The following DPP10 variants were observed in gnomAD, a reference collection of about 807,000 sequenced individuals.
DPP10 encodes the protein inactive dipeptidyl peptidase 10.
Under a neutral mutation model 120.9 loss-of-function variants are expected in DPP10, and 33 were observed. That is an observed-to-expected ratio of 0.27 (90% CI 0.21 to 0.37). DPP10 has a LOEUF of 0.37. Among genes scored for constraint, DPP10 ranks in the 10% least tolerant of loss-of-function variants. The pLI, the probability that DPP10 is intolerant of heterozygous loss-of-function variation, is 1.00. For missense variants in DPP10, 816 were observed against 942.8 expected, an observed-to-expected ratio of 0.87 and a Z score of 1.76; for synonymous variants, 337 against 326.1, an observed-to-expected ratio of 1.03 and a Z score of -0.36.
At chr2:114,453,621 G>A (rs1297117257) in intron 1 of DPP10, among the ~76,000 whole-genome samples, 10 of 152,100 alleles carry the variant, frequency 6.6e-5, no homozygotes, top group Admixed American at 6.6e-4. Flanking sequence ...TGGTTAACAG[G>A]AGTAACATGA....
intron 1 of DPP10, among the ~76,000 whole-genome samples, chr2:114,983,697 A>G (rs1434886855): frequency 6.6e-6 from 1 of 152,184 alleles, no homozygotes; most frequent in African/African-American, 2.4e-5. Flanking sequence ...AGGGGAGAAA[A>G]AGCAAAATAA....
intron 5 of DPP10, among the ~76,000 whole-genome samples, chr2:115,609,990 A>G (rs2083981394): frequency 1.3e-5 from 2 of 152,226 alleles, no homozygotes; most frequent in Non-Finnish European, 2.9e-5. Flanking sequence ...CAGAATATTC[A>G]AACGTTTTGT....
intron 1 of DPP10, among the ~76,000 whole-genome samples, chr2:115,174,679 A>G (rs1013575050): frequency 4.6e-5 from 7 of 152,190 alleles, no homozygotes; most frequent in Admixed American, 3.3e-4. Flanking sequence ...ATGTATAGTT[A>G]TACTTGTTTT....
At chr2:115,819,449 T>C (rs1254084948) in intron 21 of DPP10, among the ~76,000 whole-genome samples, 2 of 152,150 alleles carry the variant, frequency 1.3e-5, no homozygotes, top group African/African-American at 4.8e-5. Flanking sequence ...GCTAGGGCAC[T>C]CTCTTGCTCT....
intron 1 of DPP10, among the ~76,000 whole-genome samples, chr2:115,132,492 C>T (rs563798537): frequency 3.3e-5 from 5 of 152,218 alleles, no homozygotes; most frequent in East Asian, 1.9e-4. Flanking sequence ...TTATTTCCTT[C>T]GGGATGTGCT....
intron 1 of DPP10, among the ~76,000 whole-genome samples, chr2:115,108,569 T>G (rs1039554736): frequency 6.6e-6 from 1 of 152,212 alleles, no homozygotes; most frequent in South Asian, 2.1e-4. Context: ...TTGGAGACAT[T>G]TGGCCTACCA....
chr2:114,595,379 C>T (rs901702911), intron 1 of DPP10, among the ~76,000 whole-genome samples: 3 of 152,088 alleles, frequency 2.0e-5, no homozygotes, highest in African/African-American at 7.2e-5. Flanking sequence ...TGACCAAAGA[C>T]CCATCATCAA....
chr2:114,843,435 T>C (rs868408240), intron 1 of DPP10, among the ~76,000 whole-genome samples: 20 of 152,262 alleles, frequency 1.3e-4, no homozygotes, highest in Middle Eastern at 3.4e-3. Context: ...TGTGCTATGA[T>C]TGCTCAACAA....
chr2:114,774,045 A>G (rs1044659280), intron 1 of DPP10, among the ~76,000 whole-genome samples: 2 of 152,078 alleles, frequency 1.3e-5, no homozygotes, highest in African/African-American at 2.4e-5. Context: ...ATATATATGT[A>G]TTTGAATAGA....
At chr2:114,574,654 G>C (rs531385136) in intron 1 of DPP10, among the ~76,000 whole-genome samples, 1 of 152,264 alleles carries the variant, frequency 6.6e-6, no homozygotes, top group African/African-American at 2.4e-5. Context: ...ATAAGATAAA[G>C]ACAACTCCCC....
At chr2:115,582,557 C>T (rs1306123018) in intron 5 of DPP10, among the ~76,000 whole-genome samples, 1 of 152,150 alleles carries the variant, frequency 6.6e-6, no homozygotes, top group Non-Finnish European at 1.5e-5. Context: ...GAGTGATGCT[C>T]TCTTGCCCTG....
chr2:115,311,558 T>A (rs1165982048), intron 2 of DPP10, among the ~76,000 whole-genome samples: 3 of 152,184 alleles, frequency 2.0e-5, no homozygotes, highest in African/African-American at 7.2e-5. Flanking sequence ...CATTCATTCA[T>A]CCCATAGGTA....
intron 8 of DPP10, among the ~76,000 whole-genome samples, chr2:115,738,427 A>G (rs1456722724): frequency 6.6e-6 from 1 of 152,072 alleles, no homozygotes; most frequent in Admixed American, 6.6e-5. Flanking sequence ...TTGTTGTAGC[A>G]AGTAAGTGCT....
chr2:114,555,382 A>T (rs938632901), intron 1 of DPP10, among the ~76,000 whole-genome samples: 1 of 152,190 alleles, frequency 6.6e-6, no homozygotes, highest in Non-Finnish European at 1.5e-5. Flanking sequence ...CAAGGGTCTT[A>T]TATTGTAGTG....
intron 1 of DPP10, among the ~76,000 whole-genome samples, chr2:115,150,303 T>A (rs190748488): frequency 6.6e-6 from 1 of 152,136 alleles, no homozygotes; most frequent in African/African-American, 2.4e-5. Context: ...AATAATGATA[T>A]CTCCAAATGA....
chr2:114,712,983 A>G (rs1370919953), intron 1 of DPP10, among the ~76,000 whole-genome samples: 2 of 147,730 alleles, frequency 1.4e-5, no homozygotes, highest in Non-Finnish European at 3.0e-5. Context: ...ATAATTTTGT[A>G]ACCAAATTCT....
chr2:114,942,037 G>A (rs2104572374), intron 1 of DPP10, among the ~76,000 whole-genome samples: 1 of 151,920 alleles, frequency 6.6e-6, no homozygotes, highest in East Asian at 1.9e-4. Flanking sequence ...ATTTTGGGAG[G>A]CTGAGGCGGT....
chr2:114,650,659 A>G lies in DPP10; in HGVS notation c.60+207821A>G, dbSNP rs188073159. Among the ~76,000 whole-genome samples, 10 of 150,930 alleles carry G rather than the reference A, an allele frequency of 6.6e-5. No individual in the cohort carries two copies. The East Asian group carries it at 1.7e-3, about 26-fold the overall frequency. On this transcript the variant is annotated intron_variant, in intron 1 of 25. Coordinates refer to ENST00000410059, the MANE Select transcript of DPP10 (RefSeq NM_020868.6). ...AGTCTAAGAAACCTTAATAGATGGG[A>G]GAATTCTATTAAGTAAGCATAATCA... is the stretch of plus-strand genomic sequence containing the variant.
At chr2:114,594,286 C>T (rs1691707034) in intron 1 of DPP10, among the ~76,000 whole-genome samples, 1 of 151,896 alleles carries the variant, frequency 6.6e-6, no homozygotes, top group South Asian at 2.1e-4. Context: ...CTCGGACTGG[C>T]TCTCCTTGCT....
Sources: allele counts gnomAD v4.1 joint callset (sites outside exome capture counted in the v4.1 genomes callset), GRCh38; gene constraint gnomAD v4.1.1; transcripts MANE v1.5; gene names NCBI Gene and HGNC (gene_info 2026-07-23, HGNC 2026-07-21).